Variants in MALRD1 observed in about 807,000 individuals in gnomAD.
The protein encoded by MALRD1 is MAM and LDL receptor class A domain containing 1.
A neutral mutation model predicts 242.1 loss-of-function variants in MALRD1; 247 were observed. The observed-to-expected ratio is 1.02, with a 90% CI of 0.92 to 1.13. MALRD1 has a LOEUF of 1.13. MALRD1 is among the 50% of genes most tolerant of loss of function. The pLI is 0.00. For missense variants in MALRD1, 2,989 were observed against 2,533.1 expected (o/e 1.18, Z -3.86); for synonymous variants, 995 against 866.6 (o/e 1.15, Z -2.60).
At chr10:19,340,246 C>T (rs1427709812) in intron 24 of MALRD1, among the ~76,000 whole-genome samples, 1 of 152,082 alleles carries the variant, frequency 6.6e-6, no homozygotes, top group Non-Finnish European at 1.5e-5. Context: ...TCTACCCTCT[C>T]AAACATTTAT....
intron 26 of MALRD1, among the ~76,000 whole-genome samples, chr10:19,387,166 T>A (rs1490792783): frequency 2.6e-5 from 4 of 152,116 alleles, no homozygotes; most frequent in Non-Finnish European, 5.9e-5. Context: ...GCTTAAAGAT[T>A]TTGTTTCAGG....
chr10:19,709,014 C>T (rs1279215619), intron 38 of MALRD1, among the ~76,000 whole-genome samples: 1 of 119,678 alleles, frequency 8.4e-6, no homozygotes, highest in African/African-American at 2.6e-5. Flanking sequence ...CATGGATAAG[C>T]CTTTTTTTTT....
At chr10:19,593,836 G>A (rs7068320) in intron 33 of MALRD1, among the ~76,000 whole-genome samples, 3 of 152,138 alleles carry the variant, frequency 2.0e-5, no homozygotes, top group Admixed American at 6.5e-5. Context: ...GTGGGCTTCA[G>A]TGTCTTCGTT....
rs1836732010 is a variant in MALRD1 at position 19,205,200 on chromosome 10, T to C, written c.2513T>C (p.Ile838Thr). ...HFWCRHTRAC[I>T]EKLRLCDLVD... is the part of the protein sequence containing the mutation. ...TGGTGTCGCCACACCAGGGCTTGCATAGAAAAGCTTCGGTTATGTGATCTG... is the reference window on the plus strand; with the variant it reads ...TGGTGTCGCCACACCAGGGCTTGCACAGAAAAGCTTCGGTTATGTGATCTG... The change falls in exon 17 of 40, where the codon ATA becomes ACA. Residue 838 changes from isoleucine to threonine, a missense_variant. Ile to Thr is a moderately conservative substitution (Grantham distance 89). Transcript: ENST00000454679. 1 of 1,551,096 alleles carries C rather than the reference T, an allele frequency of 6.4e-7. No homozygotes were observed. The highest frequency in any genetic ancestry group is 8.7e-7 in the Non-Finnish European group (1 of 1,147,070).
At chr10:19,639,715 A>G (rs1225891487) in intron 36 of MALRD1, among the ~76,000 whole-genome samples, 1 of 152,180 alleles carries the variant, frequency 6.6e-6, no homozygotes, top group East Asian at 1.9e-4. Context: ...CTCTGATCCT[A>G]TTTCCAACAT....
chr10:19,482,779 G>A (rs1224267622), intron 29 of MALRD1, among the ~76,000 whole-genome samples: 1 of 66,794 alleles, frequency 1.5e-5, no homozygotes, highest in Non-Finnish European at 2.7e-5. Flanking sequence ...CCTTCTGAAA[G>A]TAATTATAAA....
intron 38 of MALRD1, chr10:19,722,619 A>AAAAAAAAAAAAAAAAAG (rs57292963): frequency 6.9e-6 from 1 of 144,480 alleles, no homozygotes; most frequent in Admixed American, 7.0e-5. Context: ...AAAAAAAAAA[A>AAAAAAAAAAAAAAAAAG]GGTGGAAAAA....
chr10:19,453,736 C>T (rs1021021906), intron 29 of MALRD1, among the ~76,000 whole-genome samples: 6 of 151,878 alleles, frequency 4.0e-5, no homozygotes, highest in African/African-American at 9.7e-5. Context: ...ATTAGCTGGG[C>T]GTTGTGGCAC....
rs76899925 is a variant in MALRD1, at chr10:19,107,429, T to G, written c.694+3354T>G. ...TTTTCAAATTAAAGTCTATGTTATC[T>G]GATATAGTTATAGCTACTGCTGGTC... On this transcript the variant is annotated intron_variant, in intron 5 of 39. Transcript: ENST00000454679. Among the ~76,000 whole-genome samples the G allele has an allele frequency of 0.012, 1,825 of 152,126 alleles. 67 individuals are homozygous for G. The East Asian group carries it at 0.13, about 11-fold the overall frequency.
intron 36 of MALRD1, among the ~76,000 whole-genome samples, chr10:19,653,670 G>C (rs1002060940): frequency 5.0e-5 from 7 of 140,524 alleles, no homozygotes; most frequent in African/African-American, 2.2e-4. Context: ...TAAAGGCAAT[G>C]TCCGAATAGT....
chr10:19,532,185 CAA>C (rs1358608510), intron 32 of MALRD1, among the ~76,000 whole-genome samples: 1 of 152,134 alleles, frequency 6.6e-6, no homozygotes, highest in Non-Finnish European at 1.5e-5. Flanking sequence ...GAAACAGACT[CAA>C]AGAGGCTTAG....
intron 18 of MALRD1, among the ~76,000 whole-genome samples, chr10:19,242,444 A>T (rs544045940): frequency 1.3e-5 from 2 of 152,118 alleles, no homozygotes; most frequent in South Asian, 2.1e-4. Context: ...CATTTGGTCT[A>T]TGGTATAGTT....
intron 38 of MALRD1, among the ~76,000 whole-genome samples, chr10:19,729,461 A>G (rs1835184694): frequency 6.6e-6 from 1 of 152,026 alleles, no homozygotes. Flanking sequence ...TCGTGTCATT[A>G]AGCTCTTAAA....
intron 34 of MALRD1, among the ~76,000 whole-genome samples, chr10:19,603,412 G>T (rs11010661): frequency 0.29 from 44,717 of 151,950 alleles, 8,079 homozygotes; most frequent in Admixed American, 0.46. Context: ...TTCTCCATAT[G>T]GCTAGCCAGT....
Position 19,324,062 on chromosome 10 carries a change from TG to T in MALRD1, c.3534del (p.Phe1179SerfsTer5), listed in dbSNP as rs757582955. ...ISLTGPKCTL[V>X]FWTHMNGATV... ...CTCACGGGACCAAAATGTACCTTGG[TG>T]TTCTGGACACATATGAATGGGGCCA... is the stretch of plus-strand genomic sequence containing the variant. On this transcript the variant is annotated frameshift_variant, in exon 22 of 40. Transcript: ENST00000454679. LOFTEE classifies it high-confidence loss of function. 4.1e-5 allele frequency: 64 copies of T among 1,550,464 alleles called. No homozygotes were observed. Among genetic ancestry groups the T allele is most frequent in the Non-Finnish European group, 5.1e-5 (58 of 1,146,864 alleles).
intron 14 of MALRD1, among the ~76,000 whole-genome samples, chr10:19,176,043 C>G (rs957792322): frequency 1.3e-5 from 2 of 152,140 alleles, no homozygotes; most frequent in Admixed American, 6.5e-5. Context: ...TGATGTTTCT[C>G]TCTGACCACT....
intron 38 of MALRD1, among the ~76,000 whole-genome samples, chr10:19,695,362 C>T (rs1449650747): frequency 1.3e-5 from 2 of 152,188 alleles, no homozygotes; most frequent in African/African-American, 2.4e-5. Flanking sequence ...TTTGCTTACG[C>T]AGTGTATTAG....
chr10:19,116,850 A>G (rs1836886799), intron 5 of MALRD1, among the ~76,000 whole-genome samples: 1 of 152,144 alleles, frequency 6.6e-6, no homozygotes, highest in Admixed American at 6.5e-5. Flanking sequence ...GCACTTTGGG[A>G]GGCTGAGGTG....
At chr10:19,276,626 T>A (rs1483243799) in intron 19 of MALRD1, among the ~76,000 whole-genome samples, 2 of 152,180 alleles carry the variant, frequency 1.3e-5, no homozygotes, top group African/African-American at 4.8e-5. Context: ...ATCTTCAAAG[T>A]CATCAGCATT....
Sources: allele counts gnomAD v4.1 joint callset (sites outside exome capture counted in the v4.1 genomes callset), GRCh38; gene constraint gnomAD v4.1.1; transcripts MANE v1.5; gene names NCBI Gene and HGNC (gene_info 2026-07-23, HGNC 2026-07-21).